Variants in ANGPT2 observed in about 807,000 individuals in gnomAD.
ANGPT2 encodes angiopoietin-2.
A neutral mutation model predicts 62.9 loss-of-function variants in ANGPT2; 28 were observed. The ratio of observed to expected loss-of-function variants is 0.44; its 90% CI spans 0.33 to 0.61. The LOEUF is 0.61. Ranked by LOEUF, ANGPT2 falls within the 20% of genes least tolerant of loss-of-function variation. The pLI is 0.03. For synonymous variants in ANGPT2, 284 were observed against 207.8 expected (o/e 1.37, Z -3.15); for missense variants, 727 against 594.9 (o/e 1.22, Z -2.31).
At chr8:6,514,938 A>C (rs1244629674) in intron 5 of ANGPT2, among the ~76,000 whole-genome samples, 160 bp from the exon 6 acceptor site, 1 of 152,162 alleles carries the variant, frequency 6.6e-6, no homozygotes, top group African/African-American at 2.4e-5. Context: ...TAAGAAACAG[A>C]TGGTTTCAAA....
chr8:6,532,545 C>G, intron 1 of ANGPT2, 58 bp from the exon 2 acceptor site: 1 of 1,324,332 alleles, frequency 7.6e-7, no homozygotes, highest in Non-Finnish European at 1.0e-6. Flanking sequence ...AACCTGATTC[C>G]TAAATGTTTG....
chr8:6,549,283 A>G (rs1020169276), intron 1 of ANGPT2, among the ~76,000 whole-genome samples: 3 of 152,264 alleles, frequency 2.0e-5, no homozygotes, highest in African/African-American at 7.2e-5. Flanking sequence ...GTGATGGAAA[A>G]GAAGAAACTT....
At chr8:6,561,364 G>A (rs1825511234) in intron 1 of ANGPT2, among the ~76,000 whole-genome samples, 1 of 152,174 alleles carries the variant, frequency 6.6e-6, no homozygotes. Flanking sequence ...GTGGTGCTGG[G>A]AACATTCATT....
In ANGPT2 at chr8:6,503,011, G is replaced by C; in HGVS notation, c.*90C>G. 2 of 1,478,970 alleles carry C rather than the reference G, an allele frequency of 1.4e-6. No homozygotes were observed. The highest frequency in any genetic ancestry group is 1.9e-6 in the Non-Finnish European group (2 of 1,075,948). The allele number at this position is 1,478,970 out of a possible 1,614,324, so 91.6% of individuals were successfully genotyped here. On this transcript the variant is annotated 3_prime_UTR_variant, in exon 9 of 9. Transcript: ENST00000629816. ...CGAGCACACGCCCTCTGTGGTGGAA[G>C]AGGACACAGTGCGCAGCCGTGACTT...
rs1586158076 is a variant in ANGPT2, at chr8:6,502,751, A to T, written c.*350T>A. 6.9e-6 allele frequency: 2 copies of T among 288,540 alleles called. No homozygotes were observed. The highest frequency in any genetic ancestry group is 1.7e-4 in the East Asian group (2 of 11,972). The allele number at this position is 288,540 out of a possible 1,614,324, so 17.9% of individuals were successfully genotyped here. Reference sequence around the variant, plus strand: ...CAAGATGATCTGTATTGTATAACATAAGTGTTCTGTTTTCCAGTTATTTAC... The same window carrying T: ...CAAGATGATCTGTATTGTATAACATTAGTGTTCTGTTTTCCAGTTATTTAC... On this transcript the variant is annotated 3_prime_UTR_variant, in exon 9 of 9. Coordinates refer to ENST00000629816, the MANE Select transcript of ANGPT2 (RefSeq NM_001118887.2).
In ANGPT2 at chr8:6,526,942, A is replaced by G. The variant is rs143159292; in HGVS notation, c.566+613T>C. Among the ~76,000 whole-genome samples, 332 of 152,258 alleles carry G rather than the reference A, an allele frequency of 2.2e-3. 2 individuals are homozygous for G. The highest frequency in any genetic ancestry group is 7.3e-3 in the African/African-American group (305 of 41,556). ...ATTTTATTTAAATATTAATATAATCATGTTTAATATTTTTGGTTTTACTTT... is the reference window on the plus strand; with the variant it reads ...ATTTTATTTAAATATTAATATAATCGTGTTTAATATTTTTGGTTTTACTTT... On this transcript the variant is annotated intron_variant, in intron 3 of 8. Coordinates refer to ENST00000629816, the MANE Select transcript of ANGPT2 (RefSeq NM_001118887.2).
At chr8:6,507,082 G>T (rs144631962) in intron 8 of ANGPT2, among the ~76,000 whole-genome samples, 1 of 152,118 alleles carries the variant, frequency 6.6e-6, no homozygotes, top group Non-Finnish European at 1.5e-5. Context: ...ATTTTTAGTA[G>T]AGATGGGGTT....
intron 1 of ANGPT2, among the ~76,000 whole-genome samples, chr8:6,541,848 T>A (rs1821636231): frequency 6.6e-6 from 1 of 151,680 alleles, no homozygotes; most frequent in Non-Finnish European, 1.5e-5. Flanking sequence ...TACAGAAAAT[T>A]TTTTTAAAAA....
Position 6,521,261 on chromosome 8 carries a change from AC to A in ANGPT2, c.715del (p.Val239Ter). On this transcript the variant is annotated frameshift_variant, in exon 4 of 9. Coordinates refer to ENST00000629816, the MANE Select transcript of ANGPT2 (RefSeq NM_001118887.2). LOFTEE classifies it high-confidence loss of function. ...ELEKKIVTAT[V>X]NNSVLQKQQH... Reference sequence around the variant, plus strand: ...CTGCTTCTGAAGAACTGAATTATTCACCGTGGCAGTCACTATTTTTTTTTCT... The same window carrying A: ...CTGCTTCTGAAGAACTGAATTATTCACGTGGCAGTCACTATTTTTTTTTCT... 6.2e-7 allele frequency: 1 copy of A among 1,613,944 alleles called. No homozygotes were observed. The highest frequency in any genetic ancestry group is 8.5e-7 in the Non-Finnish European group (1 of 1,179,934).
chr8:6,544,191 C>T (rs1362856004), intron 1 of ANGPT2, among the ~76,000 whole-genome samples: 1 of 152,158 alleles, frequency 6.6e-6, no homozygotes, highest in African/African-American at 2.4e-5. Flanking sequence ...AACATATTTA[C>T]CATTTGCCAT....
intron 1 of ANGPT2, among the ~76,000 whole-genome samples, chr8:6,537,689 T>A (rs1010027989): frequency 6.6e-6 from 1 of 152,122 alleles, no homozygotes; most frequent in East Asian, 1.9e-4. Context: ...TATGGCAGAT[T>A]GATTACACAT....
chr8:6,519,275 G>C (rs765894589), intron 5 of ANGPT2, among the ~76,000 whole-genome samples: 4 of 152,158 alleles, frequency 2.6e-5, no homozygotes, highest in Non-Finnish European at 5.9e-5. Flanking sequence ...ACGATGCTAA[G>C]ACACCACCGG....
intron 5 of ANGPT2, among the ~76,000 whole-genome samples, chr8:6,515,759 A>G (rs1163334333): frequency 6.6e-6 from 1 of 152,206 alleles, no homozygotes; most frequent in Admixed American, 6.5e-5. Context: ...CCAATTGTAA[A>G]TATTCTTCTT....
chr8:6,499,993 C>A lies in ANGPT2; in HGVS notation c.*3108G>T. 1 of 1,399,678 alleles carries A rather than the reference C, an allele frequency of 7.1e-7. No individual in the cohort carries two copies. The highest frequency in any genetic ancestry group is 1.7e-5 in the Admixed American group (1 of 59,632). 86.7% of individuals were successfully genotyped at this position (1,399,678 alleles called of 1,614,324 possible). On this transcript the variant is annotated 3_prime_UTR_variant, in exon 9 of 9. Coordinates refer to ENST00000629816, the MANE Select transcript of ANGPT2 (RefSeq NM_001118887.2). ...GCTGTTCTCAAGAAATTATTATAAA[C>A]ATAAGGGTGGACTTAAGTTTTTATC...
chr8:6,556,601 T>A (rs930536356), intron 1 of ANGPT2, among the ~76,000 whole-genome samples: 1 of 150,500 alleles, frequency 6.6e-6, no homozygotes, highest in Non-Finnish European at 1.5e-5. Context: ...GCAAGACTCT[T>A]GGGAATTGTC....
chr8:6,534,120 G>T (rs894178504), intron 1 of ANGPT2, among the ~76,000 whole-genome samples: 1 of 152,126 alleles, frequency 6.6e-6, no homozygotes, highest in Non-Finnish European at 1.5e-5. Flanking sequence ...GGATGGGTCA[G>T]ATGAGCAGGA....
intron 1 of ANGPT2, among the ~76,000 whole-genome samples, chr8:6,539,647 CGTG>C (rs1821172143): frequency 1.3e-5 from 2 of 152,114 alleles, no homozygotes; most frequent in Non-Finnish European, 2.9e-5. Context: ...AGTGCAGCGG[CGTG>C]ATCTTGGCTC....
At chr8:6,519,046 G>A (rs1043444164) in intron 5 of ANGPT2, among the ~76,000 whole-genome samples, 1 of 152,176 alleles carries the variant, frequency 6.6e-6, no homozygotes, top group Non-Finnish European at 1.5e-5. Flanking sequence ...AGTACTGACT[G>A]TCCACTCACG....
chr8:6,517,362 A>G (rs1054001626), intron 5 of ANGPT2, among the ~76,000 whole-genome samples: 1 of 152,238 alleles, frequency 6.6e-6, no homozygotes, highest in Non-Finnish European at 1.5e-5. Flanking sequence ...ATAGCAAACC[A>G]TAGAGACAAC....
Sources: gnomAD v4.1 joint callset for allele counts (sites outside exome capture counted in the v4.1 genomes callset) on GRCh38, gnomAD v4.1.1 for gene constraint, MANE v1.5 for transcripts, NCBI Gene and HGNC (gene_info 2026-07-23, HGNC 2026-07-21) for gene names.